SLC16A9: variants seen among roughly 807,000 people sequenced by gnomAD.
SLC16A9 encodes the protein solute carrier family 16 member 9.
Under a neutral mutation model 44.3 loss-of-function variants are expected in SLC16A9, and 26 were observed. The ratio of observed to expected loss-of-function variants is 0.59; its 90% CI spans 0.43 to 0.81. SLC16A9 has a LOEUF of 0.81. Among genes scored for constraint, SLC16A9 ranks in the 40% least tolerant of loss-of-function variants. The pLI is 0.00. For synonymous variants in SLC16A9, 230 were observed against 225.1 expected (o/e 1.02, Z -0.19); for missense variants, 559 against 595.8 (o/e 0.94, Z 0.64).
intron 2 of SLC16A9, among the ~76,000 whole-genome samples, chr10:59,683,569 G>A (rs1368187334): frequency 6.6e-6 from 1 of 152,132 alleles, no homozygotes; most frequent in Admixed American, 6.6e-5. Context: ...GCTTTTTCTT[G>A]GGAAGTTCTC....
intron 2 of SLC16A9, among the ~76,000 whole-genome samples, chr10:59,674,548 A>G (rs1255177208): frequency 6.6e-6 from 1 of 152,222 alleles, no homozygotes; most frequent in Non-Finnish European, 1.5e-5. Flanking sequence ...GACCAAATTT[A>G]TCATCCAATA....
At chr10:59,697,373 T>C (rs911892174) in intron 1 of SLC16A9, among the ~76,000 whole-genome samples, 1 of 151,054 alleles carries the variant, frequency 6.6e-6, no homozygotes, top group Non-Finnish European at 1.5e-5. Context: ...AGACTTTTCA[T>C]TTTGTTCTGT....
At chr10:59,685,693 A>G (rs1274018222) in intron 1 of SLC16A9, among the ~76,000 whole-genome samples, 4 of 152,234 alleles carry the variant, frequency 2.6e-5, no homozygotes, top group Non-Finnish European at 5.9e-5. Context: ...AAAACCTTAC[A>G]TATTCATATA....
chr10:59,676,579 G>A (rs992268938), intron 2 of SLC16A9, among the ~76,000 whole-genome samples: 1 of 152,062 alleles, frequency 6.6e-6, no homozygotes, highest in African/African-American at 2.4e-5. Context: ...AAAAGGGGGG[G>A]AAAAAGGGGC....
chr10:59,675,745 G>T (rs1285879648), intron 2 of SLC16A9, among the ~76,000 whole-genome samples: 2 of 152,138 alleles, frequency 1.3e-5, no homozygotes, highest in African/African-American at 4.8e-5. Context: ...CCTCCCAAAT[G>T]ACCAACACTG....
rs180993762 is a variant in SLC16A9, at chr10:59,668,433, G to A, written c.341-4111C>T. On this transcript the variant is annotated intron_variant, in intron 3 of 5. Coordinates refer to ENST00000395348, the MANE Select transcript of SLC16A9 (RefSeq NM_194298.3). ...TCCTGCCTGTTTTTCAAGACTTAGC[G>A]CAAGCATAAATTAAGCATGAAGCCT... 3.1e-3 allele frequency among the ~76,000 whole-genome samples: 479 copies of A among 152,206 alleles called. 3 individuals carry two copies. The highest frequency in any genetic ancestry group is 0.011 in the African/African-American group (449 of 41,508).
At chr10:59,700,783 T>C (rs1179061359) in intron 1 of SLC16A9, among the ~76,000 whole-genome samples, 1 of 152,158 alleles carries the variant, frequency 6.6e-6, no homozygotes, top group Non-Finnish European at 1.5e-5. Context: ...CAATAAAAAG[T>C]GTTTCACTAT....
chr10:59,676,759 C>T (rs1270974874), intron 2 of SLC16A9, among the ~76,000 whole-genome samples: 2 of 151,858 alleles, frequency 1.3e-5, no homozygotes, highest in Non-Finnish European at 2.9e-5. Flanking sequence ...CCTGCCTCTA[C>T]TAAAAATACA....
intron 4 of SLC16A9, 119 bp downstream of exon 4, chr10:59,664,108 A>G (rs1030189085): frequency 2.3e-6 from 1 of 426,766 alleles, no homozygotes; most frequent in African/African-American, 2.1e-5. Context: ...TAAAGAAATT[A>G]TTTTGCTACC....
chr10:59,665,728 G>A (rs1011800639), intron 3 of SLC16A9, among the ~76,000 whole-genome samples: 13 of 152,028 alleles, frequency 8.6e-5, no homozygotes, highest in East Asian at 1.9e-4. Flanking sequence ...CTTTGGAGGC[G>A]GTTTTATTGT....
chr10:59,702,482 C>A (rs1840546823), intron 1 of SLC16A9, among the ~76,000 whole-genome samples: 1 of 152,216 alleles, frequency 6.6e-6, no homozygotes, highest in Admixed American at 6.5e-5. Flanking sequence ...CATTCAGAGC[C>A]TCTTGTTTGT....
intron 1 of SLC16A9, among the ~76,000 whole-genome samples, chr10:59,689,244 C>T (rs536853515): frequency 3.3e-5 from 5 of 152,276 alleles, no homozygotes; most frequent in South Asian, 4.1e-4. Flanking sequence ...ACCCTCCTCC[C>T]GTGGCTTCCT....
At chr10:59,675,959 CG>C (rs1181174140) in intron 2 of SLC16A9, among the ~76,000 whole-genome samples, 2 of 152,196 alleles carry the variant, frequency 1.3e-5, no homozygotes, top group Non-Finnish European at 2.9e-5. Flanking sequence ...ACTCTCACTC[CG>C]GCTCTAAAAC....
chr10:59,652,280 T>C lies in SLC16A9; in HGVS notation c.*492A>G, dbSNP rs1482319320. On this transcript the variant is annotated 3_prime_UTR_variant, in exon 6 of 6. Transcript: ENST00000395348. ...AAGGCTGTTTTAGTCGCCACTTTAA[T>C]TTCCTGGCTGGCTTGAAGTCTTCTG... 2 of 152,308 alleles carry C rather than the reference T, an allele frequency of 1.3e-5. No homozygotes were observed. The highest frequency in any genetic ancestry group is 2.9e-5 in the Non-Finnish European group (2 of 68,084). 9.4% of individuals were successfully genotyped at this position (152,308 alleles called of 1,614,324 possible).
chr10:59,657,148 G>A (rs1263348243), intron 4 of SLC16A9, among the ~76,000 whole-genome samples: 1 of 152,148 alleles, frequency 6.6e-6, no homozygotes, highest in Non-Finnish European at 1.5e-5. Flanking sequence ...TTTTATTTAT[G>A]CACGCTGAAA....
At chr10:59,682,026 T>C (rs1347971379) in intron 2 of SLC16A9, among the ~76,000 whole-genome samples, 4 of 152,018 alleles carry the variant, frequency 2.6e-5, no homozygotes, top group African/African-American at 9.7e-5. Context: ...CTTCCTCATC[T>C]AGCTAAAGGC....
Position 59,664,256 on chromosome 10 carries a change from C to T in SLC16A9, c.407G>A (p.Arg136Gln), listed in dbSNP as rs202040607. ...TITCQYFDDR[R>Q]GLALGLISTG... The stretch of plus-strand genomic sequence containing the variant: ...TGAAATCAGGCCAAGCGCTAGGCCT[C>T]GGCGATCGTCAAAATACTGGCACGT... Residue 136 changes from arginine to glutamine, a missense_variant, in exon 4 of 6, where the codon CGA (arginine) becomes CAA (glutamine). Arg to Gln is a conservative substitution (Grantham distance 43). Coordinates refer to ENST00000395348, the MANE Select transcript of SLC16A9 (RefSeq NM_194298.3). The T allele has an allele frequency of 1.9e-6, 3 of 1,612,216 alleles. No individual in the cohort carries two copies. The highest frequency in any genetic ancestry group is 2.7e-5 in the African/African-American group (2 of 74,946).
chr10:59,709,149 G>C (rs1840709047), intron 1 of SLC16A9, among the ~76,000 whole-genome samples: 1 of 152,066 alleles, frequency 6.6e-6, no homozygotes, highest in African/African-American at 2.4e-5. Context: ...AAGCTCTCTG[G>C]AGTCCAGAGG....
chr10:59,663,606 TG>T (rs1839535601), intron 4 of SLC16A9, among the ~76,000 whole-genome samples: 1 of 131,798 alleles, frequency 7.6e-6, no homozygotes, highest in South Asian at 2.6e-4. Context: ...CAGGGCCTGT[TG>T]GGGGGTGGGG....
Sources: allele counts gnomAD v4.1 joint callset (sites outside exome capture counted in the v4.1 genomes callset), GRCh38; gene constraint gnomAD v4.1.1; transcripts MANE v1.5; gene names NCBI Gene and HGNC (gene_info 2026-07-23, HGNC 2026-07-21).